Variants in BCL6 observed in about 807,000 individuals in gnomAD.
BCL6 encodes the protein B-cell lymphoma 6 protein.
In BCL6, 7 loss-of-function variants were observed where a neutral mutation model predicts 59.5. That is an observed-to-expected ratio of 0.12 (90% confidence interval 0.07 to 0.22). The LOEUF is 0.22. Among genes scored for constraint, BCL6 ranks in the 10% least tolerant of loss-of-function variants. The pLI is 1.00. For synonymous variants in BCL6, 339 were observed against 349.7 expected (o/e 0.97, Z 0.34); for missense variants, 685 against 939.4 (o/e 0.73, Z 3.54).
chr3:187,732,836 AT>A (rs775015618), intron 3 of BCL6, among the ~76,000 whole-genome samples: 2 of 152,252 alleles, frequency 1.3e-5, no homozygotes, highest in African/African-American at 2.4e-5. Flanking sequence ...TATTTCCACT[AT>A]TAAAAATCAG....
chr3:187,738,334 C>T (rs1224551552), intron 1 of BCL6, among the ~76,000 whole-genome samples: 1 of 152,186 alleles, frequency 6.6e-6, no homozygotes, highest in African/African-American at 2.4e-5. Context: ...TGAGGGTCTC[C>T]ATCATAGGCG....
At chr3:187,740,253 CG>C (rs1023102947) in intron 1 of BCL6, among the ~76,000 whole-genome samples, 6 of 152,092 alleles carry the variant, frequency 3.9e-5, no homozygotes, top group African/African-American at 1.4e-4. Context: ...CCCGGTTTCT[CG>C]CCAGGCTACT....
intron 5 of BCL6, 59 bp downstream of exon 5, chr3:187,728,991 G>C (rs537533030): frequency 2.7e-6 from 4 of 1,499,322 alleles, no homozygotes; most frequent in African/African-American, 1.4e-5. Flanking sequence ...AAGAAGAAAC[G>C]ACATGGAACC....
chr3:187,731,449 A>T (rs1403537942), intron 4 of BCL6, among the ~76,000 whole-genome samples: 1 of 151,956 alleles, frequency 6.6e-6, no homozygotes, highest in Non-Finnish European at 1.5e-5. Flanking sequence ...GCCTTGCAGG[A>T]TGGGTGGGAG....
intron 1 of BCL6, among the ~76,000 whole-genome samples, chr3:187,742,804 C>G (rs900499237): frequency 6.6e-6 from 1 of 152,046 alleles, no homozygotes; most frequent in Non-Finnish European, 1.5e-5. Flanking sequence ...ATCTTTTCGT[C>G]TTTTTTAAAA....
At position 187,728,393 on chromosome 3, in the gene BCL6, C is replaced by T. The variant is rs1488877472; in HGVS notation, c.1507G>A (p.Glu503Lys). 1 of 1,606,196 alleles carries T rather than the reference C, an allele frequency of 6.2e-7. No individual in the cohort carries two copies. Among genetic ancestry groups the T allele is most frequent in the Non-Finnish European group, 8.5e-7 (1 of 1,176,332 alleles). The change falls in exon 6 of 10, where the codon GAG becomes AAG. Residue 503 changes from glutamate (E) to lysine (K), a missense_variant. Glu to Lys is a moderately conservative substitution (Grantham distance 56, BLOSUM62 1). Transcript: ENST00000406870. ...GAATCTGAGTACTCAGACTGGGTCT[C>T]TCCCATCTCCTCAGGGAACGTGGGG... is the stretch of plus-strand genomic sequence containing the variant. ...AGPTFPEEMGETQSEYSDSSC... is the reference protein window; with the variant it reads ...AGPTFPEEMGKTQSEYSDSSC...
intron 5 of BCL6, 78 bp from the exon 6 acceptor site, chr3:187,728,622 A>G (rs1579810073): frequency 8.4e-6 from 12 of 1,432,762 alleles, no homozygotes; most frequent in Middle Eastern, 2.5e-4. Context: ...TGTGTAGGCA[A>G]GCCCAGAGGC....
chr3:187,745,393 G>A lies in BCL6; in HGVS notation c.-50+17C>T. The A allele has an allele frequency of 2.5e-6, 1 of 402,738 alleles. No individual in the cohort carries two copies. The highest frequency in any genetic ancestry group is 4.4e-6 in the Non-Finnish European group (1 of 228,374). The allele number at this position is 402,738 out of a possible 1,614,324, so 24.9% of individuals were successfully genotyped here. On this transcript the variant is annotated intron_variant, in intron 1 of 9. Coordinates refer to ENST00000406870, the MANE Select transcript of BCL6 (RefSeq NM_001706.5). ...GGCAGTAGCAGCAGCAGCGGCGGCA[G>A]CAACAGCAATAATCACCTGGTGTCC...
chr3:187,743,714 G>T (rs1187457681), intron 1 of BCL6, among the ~76,000 whole-genome samples: 3 of 151,526 alleles, frequency 2.0e-5, no homozygotes, highest in African/African-American at 7.3e-5. Context: ...GTGGCCCCTA[G>T]CTCCTGCTGC....
chr3:187,727,684 G>A (rs538587400), intron 6 of BCL6, among the ~76,000 whole-genome samples: 2 of 152,270 alleles, frequency 1.3e-5, no homozygotes, highest in East Asian at 3.9e-4. Flanking sequence ...ATCTCTTGGT[G>A]TAAGCAGCTG....
chr3:187,737,813 T>C (rs1348810929), intron 1 of BCL6: 4 of 125,058 alleles, frequency 3.2e-5, no homozygotes, highest in African/African-American at 1.2e-4. Flanking sequence ...ATGAGGGGAA[T>C]GACACAGCCC....
intron 6 of BCL6, 136 bp from the exon 7 acceptor site, chr3:187,727,034 G>A: frequency 1.5e-5 from 14 of 930,520 alleles, no homozygotes; most frequent in Non-Finnish European, 2.3e-5. Flanking sequence ...GACATTCATG[G>A]GAGCTCGGAG....
rs746850741 is a variant in BCL6, at chr3:187,729,933, G to A, written c.472C>T (p.Arg158Trp). The change falls in exon 5 of 10, where the codon CGG (arginine) becomes TGG (tryptophan). Residue 158 changes from arginine to tryptophan, a missense_variant. Arg to Trp is a moderately radical substitution (Grantham distance 101). Transcript: ENST00000406870. This position sits in a 1 kb window ranked among gnomAD's most constrained non-coding sequence, Gnocchi z 5.6. The stretch of plus-strand genomic sequence containing the variant: ...TTGTTCTCCACCACCTCACGACCCC[G>A]ATAGGCCATGATGTCTTGGGGCATC... ...MLMPQDIMAYRGREVVENNLP... is the reference protein window; with the variant it reads ...MLMPQDIMAYWGREVVENNLP... 9 of 1,613,746 alleles carry A rather than the reference G, an allele frequency of 5.6e-6. No homozygotes were observed. The highest frequency in any genetic ancestry group is 1.6e-4 in the Middle Eastern group (1 of 6,082).
At chr3:187,743,333 G>A (rs2108481703) in intron 1 of BCL6, among the ~76,000 whole-genome samples, 1 of 151,814 alleles carries the variant, frequency 6.6e-6, no homozygotes, top group South Asian at 2.1e-4. Flanking sequence ...GTTGTGGGGT[G>A]GCGGGGGCCG....
chr3:187,726,966 C>T lies in BCL6; in HGVS notation c.1541-68G>A, dbSNP rs770647413. The T allele has an allele frequency of 5.7e-5, 88 of 1,553,842 alleles. 1 individual carries two copies. Among genetic ancestry groups the T allele is most frequent in the Non-Finnish European group, 7.0e-5 (80 of 1,135,908 alleles). On this transcript the variant is annotated intron_variant, in intron 6 of 9. Coordinates refer to ENST00000406870, the MANE Select transcript of BCL6 (RefSeq NM_001706.5). ...AGGGAGGTAGGGCTCTAAGGCCGCT[C>T]TCCTCTGTAGCTACCCCTTGTGCCA... is the stretch of plus-strand genomic sequence containing the variant.
At chr3:187,722,679 A>G in intron 9 of BCL6, 78 bp from the exon 10 acceptor site, 1 of 1,550,986 alleles carries the variant, frequency 6.4e-7, no homozygotes, top group South Asian at 1.2e-5. Context: ...CCAGAGAGGA[A>G]GATTCTCCCT....
At position 187,729,972 on chromosome 3, in the gene BCL6, T is replaced by G. The variant is rs944713285; in HGVS notation, c.433A>C (p.Asn145His). The part of the protein sequence containing the change: ...AIKPPREEFL[N>H]SRMLMPQDIM... ...TCTTGGGGCATCAGCATCCGGCTGT[T>G]GAGGAACTCTTCACGAGGAGGCTTG... Residue 145 changes from asparagine (N) to histidine (H), a missense_variant, in exon 5 of 10, where the codon AAC (asparagine) becomes CAC (histidine). Physicochemically the swap from Asn to His is moderately conservative, Grantham distance 68. Around this residue, in one of 7 missense-constraint regions of BCL6, gnomAD observed 268 missense variants for 263.8 expected, o/e 1.02. Coordinates refer to ENST00000406870, the MANE Select transcript of BCL6 (RefSeq NM_001706.5). The surrounding 1 kb of genome is among the most constrained non-coding windows in gnomAD (Gnocchi z 5.6). 13 of 1,602,576 alleles carry G rather than the reference T, an allele frequency of 8.1e-6. No homozygotes were observed. The African/African-American group carries it at 1.6e-4, about 20-fold the overall frequency.
In BCL6 at chr3:187,721,958, TTA is replaced by T. The variant is rs140362025; in HGVS notation, c.*498_*499del. On this transcript the variant is annotated 3_prime_UTR_variant, in exon 10 of 10. Coordinates refer to ENST00000406870, the MANE Select transcript of BCL6 (RefSeq NM_001706.5). The surrounding 1 kb of genome is among the most constrained non-coding windows in gnomAD (Gnocchi z 4.2). Reference sequence around the variant, plus strand: ...TTTTTTAGGTTTATATATATTTATTTTATATATATATATATTTATATATTTAC... The same window carrying T: ...TTTTTTAGGTTTATATATATTTATTTTATATATATATATTTATATATTTAC... 38 of 172,140 alleles carry T rather than the reference TTA, an allele frequency of 2.2e-4. No individual in the cohort carries two copies. Among genetic ancestry groups the T allele is most frequent in the Middle Eastern group, 2.2e-3 (1 of 450 alleles). 10.7% of individuals were successfully genotyped at this position (172,140 alleles called of 1,614,324 possible).
rs981003253 is a variant in BCL6, at chr3:187,724,848, C to T, written c.1977+93G>A. 16 of 1,457,990 alleles carry T rather than the reference C, an allele frequency of 1.1e-5. No individual in the cohort carries two copies. The African/African-American group carries it at 1.7e-4, about 15-fold the overall frequency. The allele number at this position is 1,457,990 out of a possible 1,614,324, so 90.3% of individuals were successfully genotyped here. On this transcript the variant is annotated intron_variant, in intron 9 of 9. Transcript: ENST00000406870. ...GAGATGGGAGCAAACAGTTCCACTGCCTCCCTGCTCCACCTCCTTCCCTGC... is the reference window on the plus strand; with the variant it reads ...GAGATGGGAGCAAACAGTTCCACTGTCTCCCTGCTCCACCTCCTTCCCTGC...
Sources: allele counts gnomAD v4.1 joint callset (sites outside exome capture counted in the v4.1 genomes callset), GRCh38; gene constraint gnomAD v4.1.1; regional missense constraint gnomAD v4.1.1; non-coding constraint Gnocchi (gnomAD v3.1); transcripts MANE v1.5; gene names NCBI Gene and HGNC (gene_info 2026-07-23, HGNC 2026-07-21).